Variants in STIM2 observed in about 807,000 individuals in gnomAD.
STIM2 encodes stromal interaction molecule 2.
STIM2 carries 31 observed loss-of-function variants against 85.8 expected under a neutral mutation model. That is an observed-to-expected ratio of 0.36 (90% confidence interval 0.27 to 0.49). STIM2 has a LOEUF of 0.49. STIM2 is among the 20% of genes least tolerant of loss of function. The pLI is 0.98. For missense variants in STIM2, 841 were observed against 927.6 expected (o/e 0.91, Z 1.21); for synonymous variants, 356 against 331.1 (o/e 1.08, Z -0.82).
rs1434340850 is a variant in STIM2, at chr4:26,919,498, T to G, written c.152-6T>G. On this transcript the variant is annotated splice_region_variant and splice_polypyrimidine_tract_variant and intron_variant, in intron 1 of 11. Transcript: ENST00000467087. ...AAGTTAGTAATTGCCCTTTGTTCTC[T>G]TTCAGATCCCTGCATGTCACTGAGT... is the stretch of plus-strand genomic sequence containing the variant. The G allele has an allele frequency of 5.0e-6, 8 of 1,613,178 alleles. No individual in the cohort carries two copies. The highest frequency in any genetic ancestry group is 6.8e-6 in the Non-Finnish European group (8 of 1,179,622).
In STIM2 at chr4:27,023,461, TC is replaced by T. The variant is rs1335750936; in HGVS notation, c.*467del. On this transcript the variant is annotated 3_prime_UTR_variant, in exon 12 of 12. Coordinates refer to ENST00000467087, the MANE Select transcript of STIM2 (RefSeq NM_020860.4). The stretch of plus-strand genomic sequence containing the variant: ...GTAAAACGTAATTGCACTACTGTTT[TC>T]CAGACTGGAAAAAAAAAAAATCTCT... 1 of 96,456 alleles carries T rather than the reference TC, an allele frequency of 1.0e-5. No homozygotes were observed. The allele number at this position is 96,456 out of a possible 1,614,324, so 6.0% of individuals were successfully genotyped here.
chr4:26,975,967 T>TC (rs1727169768), intron 3 of STIM2, among the ~76,000 whole-genome samples: 2 of 152,222 alleles, frequency 1.3e-5, no homozygotes, highest in East Asian at 3.9e-4. Flanking sequence ...CACACACCCC[T>TC]CCCCAAGCCA....
At chr4:26,885,154 T>A (rs1268384857) in intron 1 of STIM2, among the ~76,000 whole-genome samples, 1 of 151,396 alleles carries the variant, frequency 6.6e-6, no homozygotes, top group Non-Finnish European at 1.5e-5. Context: ...CTGTTCATGT[T>A]CAACCTTATT....
chr4:26,950,621 T>C (rs1726013178), intron 2 of STIM2, among the ~76,000 whole-genome samples: 2 of 152,224 alleles, frequency 1.3e-5, no homozygotes, highest in Admixed American at 1.3e-4. Flanking sequence ...CAGATGATGC[T>C]GGTGCCTTGA....
chr4:26,995,581 G>A, intron 4 of STIM2, 91 bp downstream of exon 4: 2 of 614,710 alleles, frequency 3.3e-6, no homozygotes, highest in African/African-American at 1.9e-5. Flanking sequence ...AGTTACTTCC[G>A]TGGCTGAGGG....
chr4:26,948,699 C>T (rs1238930910), intron 2 of STIM2, among the ~76,000 whole-genome samples: 1 of 152,096 alleles, frequency 6.6e-6, no homozygotes, highest in Non-Finnish European at 1.5e-5. Context: ...TGTTTTGGTG[C>T]TAAAAGAGGC....
At chr4:26,885,146 G>C (rs1164760997) in intron 1 of STIM2, among the ~76,000 whole-genome samples, 1 of 151,326 alleles carries the variant, frequency 6.6e-6, no homozygotes, top group Non-Finnish European at 1.5e-5. Flanking sequence ...GTGTTCCACT[G>C]TTCATGTTCA....
At chr4:26,874,263 C>G in intron 1 of STIM2, 1 of 420,594 alleles carries the variant, frequency 2.4e-6, no homozygotes, top group Non-Finnish European at 4.7e-6. Context: ...CCACAGGCTG[C>G]AGCTCCTTGC....
chr4:26,901,889 T>G (rs1386825741), intron 1 of STIM2, among the ~76,000 whole-genome samples: 1 of 152,188 alleles, frequency 6.6e-6, no homozygotes, highest in Admixed American at 6.6e-5. Context: ...AACAGTTACT[T>G]GCAACTATAA....
Position 27,023,118 on chromosome 4 carries a change from C to T in STIM2, c.*122C>T. On this transcript the variant is annotated 3_prime_UTR_variant, in exon 12 of 12. Coordinates refer to ENST00000467087, the MANE Select transcript of STIM2 (RefSeq NM_020860.4). ...TGTAACTCCATTGGGGCTTTCCAGG[C>T]CGGATGCCATAGTGGAACATCCAGA... 4 of 930,968 alleles carry T rather than the reference C, an allele frequency of 4.3e-6. No homozygotes were observed. The highest frequency in any genetic ancestry group is 6.5e-6 in the Non-Finnish European group (4 of 614,176). The allele number at this position is 930,968 out of a possible 1,614,324, so 57.7% of individuals were successfully genotyped here. A position where few individuals can be genotyped will look rare whatever the true frequency, so the allele number is the denominator to read the frequency against.
chr4:27,000,648 T>G (rs900374303), intron 5 of STIM2, among the ~76,000 whole-genome samples: 1 of 152,132 alleles, frequency 6.6e-6, no homozygotes, highest in Admixed American at 6.5e-5. Flanking sequence ...CAAACTAGTC[T>G]CAAAAAAGAT....
In STIM2 at chr4:27,003,644, A is replaced by G. The variant is rs150128256; in HGVS notation, c.981+540A>G. ...TGAGGTGCTGGCAGAATTTAATTAT[A>G]GACAGATGCATTAGTTTCCTGTTCC... On this transcript the variant is annotated intron_variant, in intron 7 of 11. Coordinates refer to ENST00000467087, the MANE Select transcript of STIM2 (RefSeq NM_020860.4). Among the ~76,000 whole-genome samples the G allele has an allele frequency of 8.2e-4, 125 of 152,246 alleles. 3 individuals are homozygous for G. The East Asian group carries it at 0.023, about 28-fold the overall frequency.
At chr4:27,005,954 A>G (rs1728318141) in intron 7 of STIM2, among the ~76,000 whole-genome samples, 1 of 152,200 alleles carries the variant, frequency 6.6e-6, no homozygotes, top group African/African-American at 2.4e-5. Flanking sequence ...TTTAGCTTTA[A>G]AATCTTCTGA....
At chr4:26,959,241 T>C (rs996024001) in intron 3 of STIM2, among the ~76,000 whole-genome samples, 3 of 152,204 alleles carry the variant, frequency 2.0e-5, no homozygotes, top group African/African-American at 7.2e-5. Flanking sequence ...TTCTATTCCA[T>C]GCATCTCTCT....
rs1728898296 is a variant in STIM2 at position 27,021,179 on chromosome 4, C to G, written c.1764-1340C>G. On this transcript the variant is annotated intron_variant, in intron 11 of 11. Coordinates refer to ENST00000467087, the MANE Select transcript of STIM2 (RefSeq NM_020860.4). ...ATTTTTATGAAGTACCTACCGTAAA[C>G]TTGCCACTCTTCTAGTGCAGAGAAG... The G allele has an allele frequency of 4.6e-6, 4 of 878,194 alleles. No individual in the cohort carries two copies. The South Asian group carries it at 4.8e-5, about 11-fold the overall frequency. 54.4% of individuals were successfully genotyped at this position (878,194 alleles called of 1,614,324 possible).
At chr4:26,949,553 G>T (rs1173452940) in intron 2 of STIM2, among the ~76,000 whole-genome samples, 1 of 152,128 alleles carries the variant, frequency 6.6e-6, no homozygotes, top group East Asian at 1.9e-4. Context: ...TATGAAATTG[G>T]TATCCAGCTT....
At chr4:26,913,938 A>T (rs773796366) in intron 1 of STIM2, among the ~76,000 whole-genome samples, 52 of 152,172 alleles carry the variant, frequency 3.4e-4, no homozygotes, top group Non-Finnish European at 7.2e-4. Context: ...TGTGAAGAAA[A>T]ATTAAACAAG....
At chr4:26,864,378 T>C (rs1577402164) in intron 1 of STIM2, among the ~76,000 whole-genome samples, 1 of 152,118 alleles carries the variant, frequency 6.6e-6, no homozygotes, top group African/African-American at 2.4e-5. Flanking sequence ...AACAATAGTT[T>C]TTTTTTTCCT....
chr4:26,977,470 ACT>A (rs1457037148), intron 3 of STIM2, among the ~76,000 whole-genome samples: 1 of 152,110 alleles, frequency 6.6e-6, no homozygotes, highest in African/African-American at 2.4e-5. Context: ...TGAATATTAG[ACT>A]CTTGAGGAGA....
Sources: allele counts gnomAD v4.1 joint callset (sites outside exome capture counted in the v4.1 genomes callset), GRCh38; gene constraint gnomAD v4.1.1; transcripts MANE v1.5; gene names NCBI Gene and HGNC (gene_info 2026-07-23, HGNC 2026-07-21).